The following MARF1 variants were observed in gnomAD, a reference collection of about 807,000 sequenced individuals.
The protein encoded by MARF1 is meiosis regulator and mRNA stability factor 1.
MARF1 carries 24 observed loss-of-function variants against 168.2 expected under a neutral mutation model. The ratio of observed to expected loss-of-function variants is 0.14; its 90% CI spans 0.10 to 0.20. The LOEUF (loss-of-function observed/expected upper bound fraction) is 0.20. Among genes scored for constraint, MARF1 ranks in the 10% least tolerant of loss-of-function variants. The pLI, the probability that MARF1 is intolerant of heterozygous loss-of-function variation, is 1.00. For missense variants in MARF1, 1,744 were observed against 2,143.6 expected (o/e 0.81, Z 3.68); for synonymous variants, 868 against 822.4 (o/e 1.06, Z -0.95).
chr16:15,633,889 T>C lies in MARF1; in HGVS notation c.1007-46A>G, dbSNP rs1596500415. The C allele has an allele frequency of 6.9e-6, 10 of 1,453,408 alleles. 1 individual carries two copies. The highest frequency in any genetic ancestry group is 1.8e-4 in the Middle Eastern group (1 of 5,610). The allele number at this position is 1,453,408 out of a possible 1,614,324, so 90.0% of individuals were successfully genotyped here. On this transcript the variant is annotated intron_variant, in intron 4 of 26. Coordinates refer to ENST00000396368, the MANE Select transcript of MARF1 (RefSeq NM_014647.4). ...TCAATTACTTGTAGTGGAAAATAAA[T>C]GGCAAGTTACAATAAGATAATAAAC...
At chr16:15,604,146 A>C in intron 22 of MARF1, 22 bp downstream of exon 22, 1 of 1,525,322 alleles carries the variant, frequency 6.6e-7, no homozygotes, top group Non-Finnish European at 9.1e-7. Flanking sequence ...TGATAGTTCT[A>C]AAGAGCCATT....
intron 7 of MARF1, among the ~76,000 whole-genome samples, chr16:15,628,194 A>G (rs2035005862): frequency 6.6e-6 from 1 of 152,202 alleles, no homozygotes; most frequent in Admixed American, 6.5e-5. Context: ...AAAGACATCC[A>G]AGCTCTGACA....
chr16:15,630,991 G>A (rs770786095), intron 6 of MARF1, among the ~76,000 whole-genome samples: 14 of 152,026 alleles, frequency 9.2e-5, no homozygotes, highest in Admixed American at 5.2e-4. Flanking sequence ...TTAGCTGGGC[G>A]TGGTGGAACA....
intron 23 of MARF1, chr16:15,601,487 G>T: frequency 4.5e-6 from 1 of 219,782 alleles, no homozygotes; most frequent in Non-Finnish European, 9.2e-6. Flanking sequence ...CCCTAACCGA[G>T]CTCTCAGCTC....
chr16:15,623,185 C>G, intron 10 of MARF1, 62 bp from the exon 11 acceptor site: 1 of 1,245,878 alleles, frequency 8.0e-7, no homozygotes, highest in Non-Finnish European at 1.1e-6. Flanking sequence ...TAGATTTTAT[C>G]ATTTAGGCTT....
intron 25 of MARF1, 152 bp from the exon 26 acceptor site, chr16:15,599,176 CA>C (rs2032141604): frequency 2.0e-6 from 1 of 489,896 alleles, no homozygotes; most frequent in Non-Finnish European, 3.3e-6. Context: ...AAAAAAAAAA[CA>C]AAAACCCAAA....
intron 3 of MARF1, 109 bp downstream of exon 3, chr16:15,635,547 A>G: frequency 2.0e-6 from 2 of 1,002,018 alleles, no homozygotes; most frequent in East Asian, 2.6e-5. Context: ...CCCCTATACC[A>G]TGGGAGAATC....
chr16:15,612,561 A>C lies in MARF1; in HGVS notation c.3470T>G (p.Leu1157Trp). 1 of 1,613,352 alleles carries C rather than the reference A, an allele frequency of 6.2e-7. No homozygotes were observed. The highest frequency in any genetic ancestry group is 8.5e-7 in the Non-Finnish European group (1 of 1,179,242). Residue 1157 changes from leucine (L) to tryptophan (W), a missense_variant, in exon 17 of 27, where the codon TTG (leucine) becomes TGG (tryptophan). Physicochemically the swap from Leu to Trp is moderately conservative, Grantham distance 61. Transcript: ENST00000396368. Reference protein sequence around the residue: ...IELLEAVPHVLQILGMGSKRL... With the variant: ...IELLEAVPHVWQILGMGSKRL... Reference sequence around the variant, plus strand: ...TAATCCCGTGACACGCCTTACCTGCAATACATGAGGCACTGCTTCTAATAA... The same window carrying C: ...TAATCCCGTGACACGCCTTACCTGCCATACATGAGGCACTGCTTCTAATAA...
At chr16:15,639,760 A>C (rs2035831086) in intron 1 of MARF1, among the ~76,000 whole-genome samples, 1 of 152,250 alleles carries the variant, frequency 6.6e-6, no homozygotes, top group African/African-American at 2.4e-5. Flanking sequence ...AAAAAAACAC[A>C]AAATATCAGA....
Position 15,610,966 on chromosome 16 carries a change from G to A in MARF1, c.3751+9C>T. 6.2e-6 allele frequency: 10 copies of A among 1,612,434 alleles called. No individual in the cohort carries two copies. Among genetic ancestry groups the A allele is most frequent in the Non-Finnish European group, 7.6e-6 (9 of 1,178,796 alleles). ...ACAATATCCTTCCAGCAAATGTTAAGTCACATACCTCTTTTGGGGATACAA... is the reference window on the plus strand; with the variant it reads ...ACAATATCCTTCCAGCAAATGTTAAATCACATACCTCTTTTGGGGATACAA... On this transcript the variant is annotated intron_variant, in intron 19 of 26. Transcript: ENST00000396368.
intron 16 of MARF1, among the ~76,000 whole-genome samples, chr16:15,615,334 A>C (rs2033956137): frequency 6.6e-6 from 1 of 152,116 alleles, no homozygotes; most frequent in Admixed American, 6.5e-5. Context: ...TATCTAAAAA[A>C]CAAAGTCTAG....
chr16:15,602,464 A>G, intron 22 of MARF1: 1 of 599,732 alleles, frequency 1.7e-6, no homozygotes. Context: ...AAGACGACAA[A>G]GATGAAGACA....
Position 15,625,068 on chromosome 16 carries a change from A to T in MARF1, c.2059T>A (p.Ser687Thr). 1 of 1,614,172 alleles carries T rather than the reference A, an allele frequency of 6.2e-7. No homozygotes were observed. The highest frequency in any genetic ancestry group is 1.1e-5 in the South Asian group (1 of 91,086). ...GCCACCCCCGAGTTTTTCGGCGTCG[A>T]CACTGCAGCACTTGAGTTACCGTGA... Reference protein sequence around the residue: ...PTHGNSSAAVSTPKNSGVAEP... With the variant: ...PTHGNSSAAVTTPKNSGVAEP... The change falls in exon 9 of 27, where the codon TCG becomes ACG. Residue 687 changes from serine (S) to threonine (T), a missense_variant. Around this residue, in one of 7 missense-constraint regions of MARF1, gnomAD observed 270 missense variants for 260.6 expected, o/e 1.04. Transcript: ENST00000396368.
At chr16:15,622,561 T>A (rs1256128029) in intron 11 of MARF1, among the ~76,000 whole-genome samples, 4 of 152,238 alleles carry the variant, frequency 2.6e-5, no homozygotes, top group Non-Finnish European at 5.9e-5. Flanking sequence ...CCGGCTAATT[T>A]TTTTTTAGTA....
At chr16:15,611,820 C>A in intron 17 of MARF1, 86 bp from the exon 18 acceptor site, 1 of 1,127,462 alleles carries the variant, frequency 8.9e-7, no homozygotes, top group Non-Finnish European at 1.3e-6. Flanking sequence ...CGTTACTAGC[C>A]TCAGAGCATG....
chr16:15,631,679 A>G (rs1045090221), intron 5 of MARF1, among the ~76,000 whole-genome samples, 181 bp from the exon 6 acceptor site: 1 of 152,172 alleles, frequency 6.6e-6, no homozygotes, highest in African/African-American at 2.4e-5. Context: ...TGCACCTATC[A>G]ACCCATCATC....
chr16:15,620,881 C>T (rs534215626), intron 12 of MARF1, among the ~76,000 whole-genome samples: 87 of 152,260 alleles, frequency 5.7e-4, no homozygotes, highest in Non-Finnish European at 1.1e-3. Flanking sequence ...GGATACACAA[C>T]TGAATACAAC....
intron 1 of MARF1, chr16:15,642,555 G>C (rs1199300317): frequency 6.6e-6 from 1 of 152,190 alleles, no homozygotes; most frequent in Non-Finnish European, 1.5e-5. Context: ...TCACGAGGTC[G>C]CGTTACAACT....
intron 5 of MARF1, among the ~76,000 whole-genome samples, chr16:15,632,755 T>C (rs1054529001): frequency 1.3e-5 from 2 of 152,192 alleles, no homozygotes; most frequent in African/African-American, 4.8e-5. Flanking sequence ...ACAAGCAATA[T>C]GGACTATCAA....
Sources: allele counts gnomAD v4.1 joint callset (sites outside exome capture counted in the v4.1 genomes callset), GRCh38; gene constraint gnomAD v4.1.1; regional missense constraint gnomAD v4.1.1; transcripts MANE v1.5; gene names NCBI Gene and HGNC (gene_info 2026-07-23, HGNC 2026-07-21).